Variants in SERPINA12 observed in about 807,000 individuals in gnomAD.
The protein encoded by SERPINA12 is serpin A12.
A neutral mutation model predicts 25.9 loss-of-function variants in SERPINA12; 21 were observed. That is an observed-to-expected ratio of 0.81 (90% confidence interval 0.58 to 1.17). The LOEUF is 1.17. SERPINA12 is among the 50% of genes most tolerant of loss of function. The pLI, the probability that SERPINA12 is intolerant of heterozygous loss-of-function variation, is 0.00. For synonymous variants in SERPINA12, 220 were observed against 196.0 expected (o/e 1.12, Z -1.02); for missense variants, 562 against 508.3 (o/e 1.11, Z -1.02).
At position 94,489,589 on chromosome 14, in the gene SERPINA12, A is replaced by T. The variant is rs1324621043; in HGVS notation, c.1053+31T>A. 5 of 1,610,244 alleles carry T rather than the reference A, an allele frequency of 3.1e-6. No homozygotes were observed. In the East Asian group the frequency reaches 6.7e-5, roughly 22 times the overall value. On this transcript the variant is annotated intron_variant, in intron 4 of 4. Coordinates refer to ENST00000677451, the MANE Select transcript of SERPINA12 (RefSeq NM_001382267.1). ...GGCTGGGGGAAGGCCCCTGTGCTGC[A>T]GGGAGTGGAGTCCAGGCTAGGCAGG...
intron 1 of SERPINA12, chr14:94,500,781 G>A: frequency 1.1e-6 from 1 of 870,040 alleles, no homozygotes; most frequent in Non-Finnish European, 1.4e-6. Flanking sequence ...GGAAAAAGCT[G>A]AACCCAGAGC....
chr14:94,499,257 G>A (rs59625166), intron 1 of SERPINA12, among the ~76,000 whole-genome samples: 5,936 of 152,248 alleles, frequency 0.039, 197 homozygotes, highest in South Asian at 0.095. Flanking sequence ...CCTTCCCAGG[G>A]AGGGAAGAGG....
chr14:94,497,728 C>A, intron 2 of SERPINA12, 36 bp downstream of exon 2: 1 of 1,560,732 alleles, frequency 6.4e-7, no homozygotes, highest in South Asian at 1.3e-5. Context: ...TAGTGGTCAT[C>A]CTATTCTTTC....
chr14:94,487,429 T>C lies in SERPINA12; in HGVS notation c.1119A>G (p.Ala373=). The change falls in exon 5 of 5, where the codon GCA becomes GCG. Residue 373 remains alanine (A), a synonymous_variant. Coordinates refer to ENST00000677451, the MANE Select transcript of SERPINA12 (RefSeq NM_001382267.1). ...GTGGTGTCTCCATGGGCAGAGTCTG[T>C]GCTCCGGTGCCAGCGGCCCCTTCCG... ...RGTEGAAGTG[A]QTLPMETPLV... The C allele has an allele frequency of 6.2e-7, 1 of 1,614,162 alleles. No individual in the cohort carries two copies. The highest frequency in any genetic ancestry group is 8.5e-7 in the Non-Finnish European group (1 of 1,180,036).
chr14:94,502,443 T>C (rs1009188068), intron 1 of SERPINA12, among the ~76,000 whole-genome samples: 4 of 152,184 alleles, frequency 2.6e-5, no homozygotes, highest in Non-Finnish European at 5.9e-5. Context: ...AACAGTGAGC[T>C]GTGACAGCAG....
At position 94,498,344 on chromosome 14, in the gene SERPINA12, T is replaced by G. The variant is rs1299769122; in HGVS notation, c.54A>C (p.Lys18Asn). 4 of 1,614,138 alleles carry G rather than the reference T, an allele frequency of 2.5e-6. No individual in the cohort carries two copies. In the Admixed American group the frequency reaches 5.0e-5, roughly 20 times the overall value. The change falls in exon 2 of 5, where the codon AAA (lysine) becomes AAC (asparagine). Residue 18 changes from lysine (K) to asparagine (N), a missense_variant. Transcript: ENST00000677451. ...AIFLAVLLTV[K>N]GLLKPSFSPR... ...GTGAGAAGCTCGGCTTTAGAAGACC[T>G]TTCACCGTGAGGAGAACAGCCAGAA...
chr14:94,496,421 C>A lies in SERPINA12; in HGVS notation c.857G>T (p.Gly286Val), dbSNP rs920614022. The A allele has an allele frequency of 6.2e-7, 1 of 1,614,062 alleles. No individual in the cohort carries two copies. Among genetic ancestry groups the A allele is most frequent in the Admixed American group, 1.7e-5 (1 of 60,006 alleles). The stretch of plus-strand genomic sequence containing the variant: ...TCTGGAGAAAGTGTCCACCTGCAAT[C>A]CCTTCTCCAAGTGCTTCAGCTTGCC... ...DEGKLKHLEK[G>V]LQVDTFSRWK... The change falls in exon 3 of 5, where the codon GGA (glycine) becomes GTA (valine). Residue 286 changes from glycine to valine, a missense_variant. By Grantham distance (109) the Gly-to-Val change is moderately radical. Coordinates refer to ENST00000677451, the MANE Select transcript of SERPINA12 (RefSeq NM_001382267.1).
upstream of SERPINA12, among the ~76,000 whole-genome samples, chr14:94,509,649 A>G (rs1285947551): frequency 6.6e-6 from 1 of 152,144 alleles, no homozygotes; most frequent in Non-Finnish European, 1.5e-5. Flanking sequence ...ACCCCTTGGG[A>G]AAGATCAGGC....
At chr14:94,510,462 A>T (rs764820213), upstream of SERPINA12, among the ~76,000 whole-genome samples, 1 of 152,194 alleles carries the variant, frequency 6.6e-6, no homozygotes, top group African/African-American at 2.4e-5. Flanking sequence ...AAAAAAATAG[A>T]TGTTGGCATG....
At chr14:94,515,375 C>T (rs1360939182) in intron 2 of SERPINA12, among the ~76,000 whole-genome samples, 2 of 152,118 alleles carry the variant, frequency 1.3e-5, no homozygotes, top group East Asian at 1.9e-4. Context: ...TTCTACATCA[C>T]CCTCCCCTGC....
At chr14:94,493,970 G>A (rs1389865995) in intron 3 of SERPINA12, among the ~76,000 whole-genome samples, 1 of 152,222 alleles carries the variant, frequency 6.6e-6, no homozygotes, top group Non-Finnish European at 1.5e-5. Context: ...GAAGCCCCCA[G>A]TGTAGCACCT....
At chr14:94,494,346 TAACTG>T (rs1900304981) in intron 3 of SERPINA12, among the ~76,000 whole-genome samples, 1 of 152,202 alleles carries the variant, frequency 6.6e-6, no homozygotes, top group South Asian at 2.1e-4. Flanking sequence ...CCGTGGGTGG[TAACTG>T]AACTGAACTG....
upstream of SERPINA12, chr14:94,511,586 C>A: frequency 1.0e-6 from 1 of 985,398 alleles, no homozygotes; most frequent in Non-Finnish European, 1.2e-6. Context: ...GAACAGGAAC[C>A]GACACCACCT....
At chr14:94,510,454 A>T (rs1901079985), upstream of SERPINA12, among the ~76,000 whole-genome samples, 3 of 152,224 alleles carry the variant, frequency 2.0e-5, no homozygotes, top group Admixed American at 2.0e-4. Context: ...TAAAAATAAA[A>T]AAAATAGATG....
chr14:94,494,649 A>G (rs920393055), intron 3 of SERPINA12, among the ~76,000 whole-genome samples: 1 of 152,168 alleles, frequency 6.6e-6, no homozygotes, highest in Admixed American at 6.5e-5. Flanking sequence ...TTTGCAGGAC[A>G]CCTGTCATTC....
chr14:94,494,607 T>TGA (rs1199131176), intron 3 of SERPINA12, among the ~76,000 whole-genome samples: 1 of 152,150 alleles, frequency 6.6e-6, no homozygotes, highest in Admixed American at 6.5e-5. Context: ...GCAGCCACCC[T>TGA]AGGGCTTCAA....
At chr14:94,510,872 C>T (rs1901092362), upstream of SERPINA12, among the ~76,000 whole-genome samples, 2 of 152,098 alleles carry the variant, frequency 1.3e-5, no homozygotes, top group South Asian at 4.2e-4. Flanking sequence ...ATGTTCTTGC[C>T]CATAAGTGGG....
upstream of SERPINA12, among the ~76,000 whole-genome samples, chr14:94,509,767 T>C (rs547377974): frequency 6.6e-6 from 1 of 152,332 alleles, no homozygotes; most frequent in South Asian, 2.1e-4. Flanking sequence ...CCTGAGTGTT[T>C]GGCACCCAGT....
chr14:94,495,061 T>TTTA (rs1478878265), intron 3 of SERPINA12, among the ~76,000 whole-genome samples: 2,580 of 122,850 alleles, frequency 0.021, 92 homozygotes, highest in African/African-American at 0.082. Flanking sequence ...AGAATTTCCC[T>TTTA]TTCTTTTTTT....
Sources: allele counts gnomAD v4.1 joint callset (sites outside exome capture counted in the v4.1 genomes callset), GRCh38; gene constraint gnomAD v4.1.1; transcripts MANE v1.5; gene names NCBI Gene and HGNC (gene_info 2026-07-23, HGNC 2026-07-21).